HTR2C: variants seen among roughly 807,000 people sequenced by gnomAD.
HTR2C encodes 5-hydroxytryptamine receptor 2C.
In HTR2C, 5 loss-of-function variants were observed where a neutral mutation model predicts 21.0. The ratio of observed to expected loss-of-function variants is 0.24; its 90% CI spans 0.12 to 0.50. HTR2C has a LOEUF of 0.50. HTR2C is among the 20% of genes least tolerant of loss of function. HTR2C has a pLI of 0.98. For missense variants in HTR2C, 271 were observed against 371.2 expected, an observed-to-expected ratio of 0.73 and a Z score of 2.22; for synonymous variants, 150 against 145.3, an observed-to-expected ratio of 1.03 and a Z score of -0.23.
intron 5 of HTR2C, among the ~76,000 whole-genome samples, chrX:114,872,530 CA>C (rs1556476861): frequency 9.1e-6 from 1 of 109,567 alleles, no homozygotes; most frequent in Non-Finnish European, 1.9e-5. Flanking sequence ...CAAAATATTT[CA>C]AAAATCCCTC....
At chrX:114,820,882 A>G (rs1433123919) in intron 4 of HTR2C, among the ~76,000 whole-genome samples, 2 of 110,953 alleles carry the variant, frequency 1.8e-5, no homozygotes, top group Non-Finnish European at 3.8e-5. Context: ...TTGTATATCA[A>G]TATCACTTTC....
chrX:114,610,996 T>C (rs1207760251), intron 1 of HTR2C, among the ~76,000 whole-genome samples: 2 of 111,928 alleles, frequency 1.8e-5, no homozygotes, highest in African/African-American at 6.5e-5. Context: ...GTTAGAGACC[T>C]CAGAAAACAC....
intron 4 of HTR2C, among the ~76,000 whole-genome samples, chrX:114,800,108 G>T (rs1157152443): frequency 1.8e-5 from 2 of 110,452 alleles, no homozygotes; most frequent in African/African-American, 6.6e-5. Flanking sequence ...TAGACAGTGG[G>T]AATGACATAG....
intron 4 of HTR2C, among the ~76,000 whole-genome samples, chrX:114,846,042 A>G (rs1244328353): frequency 9.0e-6 from 1 of 110,953 alleles, no homozygotes; most frequent in Non-Finnish European, 1.9e-5. Context: ...ATAAAACAAT[A>G]CAATGAACAA....
chrX:114,674,457 G>A (rs1931484364), intron 2 of HTR2C, among the ~76,000 whole-genome samples: 1 of 111,275 alleles, frequency 9.0e-6, no homozygotes, highest in African/African-American at 3.3e-5. Context: ...GCAGTAGTCA[G>A]GATATAAAGG....
intron 5 of HTR2C, among the ~76,000 whole-genome samples, chrX:114,877,044 G>A (rs2071144018): frequency 9.0e-6 from 1 of 111,144 alleles, no homozygotes; most frequent in South Asian, 3.7e-4. Flanking sequence ...TGAAATGTTT[G>A]GCAGAACTCA....
chrX:114,864,604 G>A (rs1331621400), intron 5 of HTR2C, among the ~76,000 whole-genome samples: 2 of 111,399 alleles, frequency 1.8e-5, no homozygotes, highest in Admixed American at 9.6e-5. Context: ...CTCTACCAGT[G>A]AGTTTTGTAT....
rs782774763 is a variant in HTR2C, at chrX:114,701,009, G to T, written c.-79-25849G>T. ...CAAGGTGGCAGCGAGGCTGGGGGAG[G>T]GGCGACCGCCATTGCCCAGGCTTGC... is the stretch of plus-strand genomic sequence containing the variant. On this transcript the variant is annotated intron_variant, in intron 2 of 5. Coordinates refer to ENST00000276198, the MANE Select transcript of HTR2C (RefSeq NM_000868.4). 3.7e-3 allele frequency among the ~76,000 whole-genome samples: 421 copies of T among 112,332 alleles called. 3 individuals are homozygous for T. Among genetic ancestry groups the T allele is most frequent in the African/African-American group, 0.013 (389 of 31,005 alleles).
chrX:114,641,784 G>A (rs996984034), intron 2 of HTR2C, among the ~76,000 whole-genome samples: 7 of 111,205 alleles, frequency 6.3e-5, no homozygotes, highest in Non-Finnish European at 9.4e-5. Context: ...GTGCAGGTTT[G>A]TTACATAGGT....
intron 4 of HTR2C, among the ~76,000 whole-genome samples, chrX:114,806,957 ATG>A (rs782008169): frequency 2.0e-5 from 2 of 101,621 alleles, no homozygotes; most frequent in African/African-American, 7.1e-5. Context: ...TATATACCAT[ATG>A]TATATACCAT....
At chrX:114,637,031 C>T (rs782762289) in intron 2 of HTR2C, among the ~76,000 whole-genome samples, 2 of 111,157 alleles carry the variant, frequency 1.8e-5, no homozygotes, top group Non-Finnish European at 3.8e-5. Flanking sequence ...TAGTCAGTAC[C>T]GTTTACTAAT....
intron 2 of HTR2C, among the ~76,000 whole-genome samples, chrX:114,688,286 A>G (rs1931986657): frequency 1.9e-5 from 2 of 103,071 alleles, no homozygotes; most frequent in Admixed American, 1.1e-4. Context: ...ATGCCACTGC[A>G]CTCCAGCCTG....
intron 2 of HTR2C, among the ~76,000 whole-genome samples, chrX:114,673,237 A>C (rs1931444683): frequency 1.8e-5 from 2 of 112,501 alleles, no homozygotes; most frequent in African/African-American, 6.4e-5. Context: ...TAATTCCAGG[A>C]AACAAAAACC....
chrX:114,845,624 A>G (rs1487386517), intron 4 of HTR2C, among the ~76,000 whole-genome samples: 1 of 103,489 alleles, frequency 9.7e-6, no homozygotes, highest in East Asian at 2.8e-4. Flanking sequence ...CTTTAGATAG[A>G]CAGACTAAGG....
chrX:114,636,386 T>A (rs1292225106), intron 2 of HTR2C, among the ~76,000 whole-genome samples: 3 of 111,752 alleles, frequency 2.7e-5, no homozygotes, highest in African/African-American at 9.8e-5. Context: ...TAATACACAC[T>A]GATGCTCCCT....
chrX:114,764,871 C>A (rs1160716040), intron 4 of HTR2C, among the ~76,000 whole-genome samples: 3 of 39,616 alleles, frequency 7.6e-5, no homozygotes, highest in African/African-American at 3.2e-4. Flanking sequence ...ATCAATCTTT[C>A]TTTCTTTCTT....
At chrX:114,773,550 T>C (rs919336180) in intron 4 of HTR2C, among the ~76,000 whole-genome samples, 3 of 112,453 alleles carry the variant, frequency 2.7e-5, no homozygotes, top group Admixed American at 9.4e-5. Context: ...TCATACCTTT[T>C]ATCAAGAATA....
chrX:114,817,069 A>G (rs782659214), intron 4 of HTR2C, among the ~76,000 whole-genome samples: 116 of 111,617 alleles, frequency 1.0e-3, no homozygotes, highest in Non-Finnish European at 1.8e-3. Flanking sequence ...TGCAGCAAAC[A>G]TAAACATAAG....
intron 4 of HTR2C, among the ~76,000 whole-genome samples, chrX:114,796,941 G>C (rs1411268039): frequency 8.9e-6 from 1 of 111,809 alleles, no homozygotes; most frequent in Admixed American, 9.5e-5. Flanking sequence ...TCTAATAACA[G>C]CATAAATTAA....
Sources: gnomAD v4.1 joint callset for allele counts (sites outside exome capture counted in the v4.1 genomes callset) on GRCh38, gnomAD v4.1.1 for gene constraint, MANE v1.5 for transcripts, NCBI Gene and HGNC (gene_info 2026-07-23, HGNC 2026-07-21) for gene names.